Variants in MYOF observed in about 807,000 individuals in gnomAD.
The protein encoded by MYOF is fer-1-like 3, myoferlin.
In MYOF, 244 loss-of-function variants were observed where a neutral mutation model predicts 284.2. The observed-to-expected ratio is 0.86, with a 90% CI of 0.77 to 0.95. The LOEUF (loss-of-function observed/expected upper bound fraction) is 0.95. Among genes scored for constraint, MYOF ranks in the 40% least tolerant of loss-of-function variants. The pLI, the probability that MYOF is intolerant of heterozygous loss-of-function variation, is 0.00. For missense variants in MYOF, 2,496 were observed against 2,560.6 expected (o/e 0.97, Z 0.54); for synonymous variants, 904 against 919.7 (o/e 0.98, Z 0.31).
Position 93,482,117 on chromosome 10 carries a change from G to A in MYOF, c.78C>T (p.Val26=). The change falls in exon 1 of 54, where the codon GTC becomes GTT. Residue 26 remains valine, a synonymous_variant. Transcript: ENST00000359263. ...AAAACTTTTTCTTACCCTTAAAAAT[G>A]ACAGAAACAATAGGATCCGGCTTGC... ...KFGKPDPIVS[V]IFKDEKKKTK... is the part of the protein sequence containing the mutation. The A allele has an allele frequency of 1.2e-6, 2 of 1,613,638 alleles. No homozygotes were observed. The highest frequency in any genetic ancestry group is 1.6e-4 in the Middle Eastern group (1 of 6,062).
chr10:93,412,999 C>T (rs1175649366), intron 5 of MYOF, among the ~76,000 whole-genome samples: 1 of 152,132 alleles, frequency 6.6e-6, no homozygotes, highest in Non-Finnish European at 1.5e-5. Context: ...CTTCCATCAT[C>T]CTGGGCCTAA....
intron 5 of MYOF, among the ~76,000 whole-genome samples, chr10:93,418,916 C>T (rs1310562082): frequency 6.6e-6 from 1 of 152,084 alleles, no homozygotes; most frequent in African/African-American, 2.4e-5. Context: ...GATTAGAAAC[C>T]CAATCCTGGA....
intron 24 of MYOF, among the ~76,000 whole-genome samples, chr10:93,371,254 C>T (rs969427382): frequency 2.0e-5 from 3 of 152,182 alleles, no homozygotes; most frequent in African/African-American, 7.2e-5. Context: ...TTTCAGATGT[C>T]ACACTGCAAT....
intron 27 of MYOF, among the ~76,000 whole-genome samples, chr10:93,362,668 G>T (rs1349251051): frequency 6.6e-6 from 1 of 152,086 alleles, no homozygotes; most frequent in Non-Finnish European, 1.5e-5. Flanking sequence ...GTTATGAAAA[G>T]AAAGTTCCTA....
chr10:93,401,306 TCAG>T, intron 12 of MYOF, 109 bp downstream of exon 12: 1 of 1,449,308 alleles, frequency 6.9e-7, no homozygotes, highest in Non-Finnish European at 9.3e-7. Flanking sequence ...TGAAGCCCTT[TCAG>T]AAGAAAAACA....
intron 16 of MYOF, among the ~76,000 whole-genome samples, chr10:93,394,147 G>A (rs1376776555): frequency 6.6e-6 from 1 of 152,074 alleles, no homozygotes; most frequent in Non-Finnish European, 1.5e-5. Flanking sequence ...TGTTGTCCAG[G>A]CTGGAGTGTA....
intron 53 of MYOF, 74 bp from the exon 54 acceptor site, chr10:93,307,075 T>G: frequency 2.9e-6 from 4 of 1,385,742 alleles, no homozygotes; most frequent in Middle Eastern, 1.9e-4. Context: ...TTCTCAATCT[T>G]GAGAAAAAAT....
chr10:93,340,695 C>G (rs750502510), intron 38 of MYOF, among the ~76,000 whole-genome samples: 8 of 152,192 alleles, frequency 5.3e-5, no homozygotes, highest in African/African-American at 9.7e-5. Flanking sequence ...CAAATAAATA[C>G]TCATCCATCA....
intron 1 of MYOF, among the ~76,000 whole-genome samples, chr10:93,477,279 G>A (rs1435987678): frequency 6.6e-6 from 1 of 151,532 alleles, no homozygotes; most frequent in Non-Finnish European, 1.5e-5. Context: ...ATCACCTGAG[G>A]TCAGGAGTTC....
At chr10:93,378,958 T>C (rs2133992922) in intron 21 of MYOF, among the ~76,000 whole-genome samples, 1 of 151,992 alleles carries the variant, frequency 6.6e-6, no homozygotes, top group South Asian at 2.1e-4. Context: ...TCAAATGATC[T>C]GCCCACCTTG....
In MYOF at chr10:93,347,670, CG is replaced by C. The variant is rs1844286423; in HGVS notation, c.4195del (p.Arg1399AlafsTer45). The C allele has an allele frequency of 6.2e-7, 1 of 1,613,902 alleles. No homozygotes were observed. The highest frequency in any genetic ancestry group is 8.5e-7 in the Non-Finnish European group (1 of 1,180,014). ...CCCTGCATAAGGGTCACAGCGAAAG[CG>C]GTCCAGGCGCTCGATGGTGCACTGG... is the stretch of plus-strand genomic sequence containing the variant. ...VGQCTIERLD[R>X]FRCDPYAGKE... On this transcript the variant is annotated frameshift_variant, in exon 37 of 54. Coordinates refer to ENST00000359263, the MANE Select transcript of MYOF (RefSeq NM_013451.4). LOFTEE classifies it high-confidence loss of function.
chr10:93,392,755 G>C (rs115773627), intron 17 of MYOF, among the ~76,000 whole-genome samples, 162 bp downstream of exon 17: 2,215 of 152,256 alleles, frequency 0.015, 54 homozygotes, highest in African/African-American at 0.049. Flanking sequence ...GCTTAGCCGT[G>C]CAGGACAACC....
intron 18 of MYOF, 102 bp downstream of exon 18, chr10:93,388,928 G>T: frequency 7.0e-7 from 1 of 1,423,452 alleles, no homozygotes; most frequent in Non-Finnish European, 9.5e-7. Flanking sequence ...AAGTCTTAGG[G>T]AGTATGAAAC....
chr10:93,440,561 T>C (rs775812386), intron 3 of MYOF, among the ~76,000 whole-genome samples: 7 of 152,208 alleles, frequency 4.6e-5, no homozygotes, highest in Non-Finnish European at 1.0e-4. Context: ...TGTGTATTTA[T>C]CTGTTCCCTC....
At position 93,349,909 on chromosome 10, in the gene MYOF, T is replaced by G; in HGVS notation, c.3982A>C (p.Ser1328Arg). 6.2e-7 allele frequency: 1 copy of G among 1,614,156 alleles called. No individual in the cohort carries two copies. The highest frequency in any genetic ancestry group is 8.5e-7 in the Non-Finnish European group (1 of 1,180,036). The change falls in exon 36 of 54, where the codon AGT (serine) becomes CGT (arginine). Residue 1328 changes from serine (S) to arginine (R), a missense_variant. By Grantham distance (110) the Ser-to-Arg change is moderately radical (BLOSUM62 -1). Transcript: ENST00000359263. ...TCTCCTCCACACTCCACAACAAGAC[T>G]GGGGGATGTGATAGAAGCCATCTGG... is the stretch of plus-strand genomic sequence containing the variant. The part of the protein sequence containing the change: ...NFQMASITSP[S>R]LVVECGGERV...
intron 5 of MYOF, among the ~76,000 whole-genome samples, chr10:93,412,276 A>G (rs911005508): frequency 6.6e-6 from 1 of 152,128 alleles, no homozygotes; most frequent in Non-Finnish European, 1.5e-5. Context: ...GTACCTCAAC[A>G]TCTTTTTCAG....
chr10:93,421,548 G>A (rs1589542012), intron 5 of MYOF, among the ~76,000 whole-genome samples: 1 of 152,318 alleles, frequency 6.6e-6, no homozygotes, highest in African/African-American at 2.4e-5. Context: ...CTACTGGAAG[G>A]TGTTTGGGTC....
At chr10:93,325,047 G>A (rs1842984432) in intron 46 of MYOF, among the ~76,000 whole-genome samples, 1 of 152,022 alleles carries the variant, frequency 6.6e-6, no homozygotes, top group Non-Finnish European at 1.5e-5. Context: ...CAAAGTGTTG[G>A]GATTATAGGC....
intron 15 of MYOF, among the ~76,000 whole-genome samples, chr10:93,396,484 C>A (rs1847017047): frequency 6.6e-6 from 1 of 152,008 alleles, no homozygotes; most frequent in Non-Finnish European, 1.5e-5. Context: ...TAAGTGTATC[C>A]CAATTGATTC....
Sources: gnomAD v4.1 joint callset for allele counts (sites outside exome capture counted in the v4.1 genomes callset) on GRCh38, gnomAD v4.1.1 for gene constraint, MANE v1.5 for transcripts, NCBI Gene and HGNC (gene_info 2026-07-23, HGNC 2026-07-21) for gene names.